The following FGD4 variants were observed in gnomAD, a reference collection of about 807,000 sequenced individuals.
FGD4 encodes FYVE, RhoGEF and PH domain-containing protein 4.
Under a neutral mutation model 102.0 loss-of-function variants are expected in FGD4, and 42 were observed. That is an observed-to-expected ratio of 0.41 (90% CI 0.32 to 0.53). The LOEUF (loss-of-function observed/expected upper bound fraction) is 0.53, where lower values mean the gene tolerates loss of function less well. Ranked by LOEUF, FGD4 falls within the 20% of genes least tolerant of loss-of-function variation. The pLI is 0.21. For synonymous variants in FGD4, 380 were observed against 375.7 expected (o/e 1.01, Z -0.13); for missense variants, 902 against 1,078.2 (o/e 0.84, Z 2.29).
At chr12:32,479,664 T>C (rs1233575740) in intron 1 of FGD4, among the ~76,000 whole-genome samples, 1 of 150,844 alleles carries the variant, frequency 6.6e-6, no homozygotes, top group Non-Finnish European at 1.5e-5. Context: ...ACATTTCACT[T>C]TTTCCTGTAG....
chr12:32,601,729 A>T (rs1393487940), intron 6 of FGD4, among the ~76,000 whole-genome samples: 2 of 152,220 alleles, frequency 1.3e-5, no homozygotes, highest in Non-Finnish European at 1.5e-5. Context: ...TCAGCCTCAC[A>T]GTACGGTGAA....
chr12:32,577,523 G>T (rs1946223640), intron 3 of FGD4, among the ~76,000 whole-genome samples: 1 of 152,122 alleles, frequency 6.6e-6, no homozygotes, highest in Admixed American at 6.5e-5. Flanking sequence ...AACAGATGTT[G>T]GTTCCTCCTA....
intron 1 of FGD4, among the ~76,000 whole-genome samples, chr12:32,442,712 A>T (rs1942486733): frequency 6.6e-6 from 1 of 151,604 alleles, no homozygotes; most frequent in Non-Finnish European, 1.5e-5. Flanking sequence ...GCACACCACC[A>T]CACCCAGCTA....
chr12:32,612,563 G>A (rs17539491), intron 10 of FGD4, among the ~76,000 whole-genome samples: 12,632 of 152,262 alleles, frequency 0.083, 697 homozygotes, highest in Middle Eastern at 0.19. Flanking sequence ...CTTTACACAC[G>A]TGGGATATGA....
rs934080923 is a variant in FGD4 at position 32,642,398 on chromosome 12, A to G, written c.*1865A>G. On this transcript the variant is annotated 3_prime_UTR_variant, in exon 17 of 17. Coordinates refer to ENST00000534526, the MANE Select transcript of FGD4 (RefSeq NM_001370298.3). ...TCTTAATCTCAAGAAAAGAGAAGCA[A>G]TGGAAATACAGAATGATTAACTGGG... is the stretch of plus-strand genomic sequence containing the variant. 6.6e-6 allele frequency: 1 copy of G among 152,108 alleles called. No homozygotes were observed. Among genetic ancestry groups the G allele is most frequent in the Non-Finnish European group, 1.5e-5 (1 of 67,968 alleles). 9.4% of individuals were successfully genotyped at this position (152,108 alleles called of 1,614,324 possible). A position where few individuals can be genotyped will look rare whatever the true frequency, so the allele number is the denominator to read the frequency against.
intron 4 of FGD4, among the ~76,000 whole-genome samples, chr12:32,590,310 A>T (rs1218867948): frequency 8.5e-6 from 1 of 117,470 alleles, no homozygotes; most frequent in Non-Finnish European, 1.7e-5. Flanking sequence ...GACTTCATCT[A>T]AAAAAAAAAA....
Position 32,617,475 on chromosome 12 carries a change from A to C in FGD4, c.1750-2223A>C, listed in dbSNP as rs958087457. On this transcript the variant is annotated intron_variant, in intron 10 of 16. Transcript: ENST00000534526. The stretch of plus-strand genomic sequence containing the variant: ...AATTATTTCAGTCAAATATATTTTT[A>C]GAGGCTTGAAATAAATACTTGAACA... Among the ~76,000 whole-genome samples the C allele has an allele frequency of 2.0e-5, 3 of 152,248 alleles. No homozygotes were observed. In the East Asian group the frequency reaches 5.8e-4, roughly 29 times the overall value.
chr12:32,535,908 C>T (rs899118637), intron 1 of FGD4, among the ~76,000 whole-genome samples: 10 of 152,146 alleles, frequency 6.6e-5, no homozygotes, highest in Non-Finnish European at 1.3e-4. Flanking sequence ...TAATGGACAG[C>T]ACCCTTTAGA....
At chr12:32,638,988 A>G (rs1951009346) in intron 16 of FGD4, 193 bp downstream of exon 16, 11 of 1,416,126 alleles carry the variant, frequency 7.8e-6, no homozygotes, top group Non-Finnish European at 1.0e-5. Context: ...TATTTTCTTC[A>G]GTTTGTGGAT....
chr12:32,479,255 G>A (rs6488058), intron 1 of FGD4, among the ~76,000 whole-genome samples: 56,703 of 151,826 alleles, frequency 0.37, 11,477 homozygotes, highest in South Asian at 0.51. Context: ...TGGTGCTCTT[G>A]CCTCACAACT....
intron 1 of FGD4, among the ~76,000 whole-genome samples, chr12:32,537,282 A>G (rs1001784388): frequency 2.6e-5 from 4 of 152,270 alleles, no homozygotes; most frequent in African/African-American, 9.6e-5. Flanking sequence ...CTTATGTACA[A>G]TCTGGCAACA....
intron 4 of FGD4, among the ~76,000 whole-genome samples, chr12:32,586,532 GA>G (rs1472017092): frequency 3.3e-5 from 5 of 152,174 alleles, no homozygotes; most frequent in Non-Finnish European, 7.3e-5. Flanking sequence ...TCTGGCCTCA[GA>G]AACAATTAAA....
chr12:32,444,556 C>T (rs1942557202), intron 1 of FGD4, among the ~76,000 whole-genome samples: 1 of 152,106 alleles, frequency 6.6e-6, no homozygotes, highest in African/African-American at 2.4e-5. Flanking sequence ...AGGCGCCCAT[C>T]ACCACACCCA....
intron 2 of FGD4, among the ~76,000 whole-genome samples, chr12:32,565,145 A>C (rs1235343941): frequency 1.3e-5 from 2 of 152,234 alleles, no homozygotes; most frequent in Non-Finnish European, 1.5e-5. Flanking sequence ...CTTGCAAAGA[A>C]AAATGTATTC....
chr12:32,531,010 G>A (rs1941759958), intron 1 of FGD4, among the ~76,000 whole-genome samples: 2 of 134,182 alleles, frequency 1.5e-5, no homozygotes, highest in Admixed American at 1.7e-4. Flanking sequence ...GGAGTGCAGT[G>A]GTGCGATCGC....
intron 4 of FGD4, among the ~76,000 whole-genome samples, chr12:32,595,045 A>G (rs1056093011): frequency 2.7e-5 from 4 of 149,952 alleles, no homozygotes; most frequent in Admixed American, 2.6e-4. Context: ...AAAAAAAAAA[A>G]ACAACACAGC....
At chr12:32,521,887 C>CTAT (rs1283521034) in intron 1 of FGD4, among the ~76,000 whole-genome samples, 1 of 151,906 alleles carries the variant, frequency 6.6e-6, no homozygotes, top group Non-Finnish European at 1.5e-5. Flanking sequence ...GTCTTAAAGG[C>CTAT]TATATAGGTA....
rs1449654910 is a variant in FGD4 at position 32,557,371 on chromosome 12, A to G, written c.167-6766A>G. ...TGGTGTGCTATCTTCCCTCTCTTTCAGTACATTTCTATACATTTGTCTATA... is the reference window on the plus strand; with the variant it reads ...TGGTGTGCTATCTTCCCTCTCTTTCGGTACATTTCTATACATTTGTCTATA... On this transcript the variant is annotated intron_variant, in intron 1 of 16. Transcript: ENST00000534526. Among the ~76,000 whole-genome samples, 3 of 152,176 alleles carry G rather than the reference A, an allele frequency of 2.0e-5. No individual in the cohort carries two copies. In the East Asian group the frequency reaches 5.8e-4, roughly 29 times the overall value.
rs539565726 is a variant in FGD4, at chr12:32,619,766, C to A, written c.1818C>A (p.Thr606=). 6.2e-7 allele frequency: 1 copy of A among 1,614,080 alleles called. No individual in the cohort carries two copies. The highest frequency in any genetic ancestry group is 1.1e-5 in the South Asian group (1 of 91,076). The change falls in exon 11 of 17, where the codon ACC becomes ACA. Residue 606 remains threonine (T), a synonymous_variant. Transcript: ENST00000534526. ...TAGGCTCTAAATTCACAGTTCGAACCAGGGTTGGCATTGATGGAATGAAAA... is the reference window on the plus strand; with the variant it reads ...TAGGCTCTAAATTCACAGTTCGAACAAGGGTTGGCATTGATGGAATGAAAA... ...SLVGSKFTVR[T]RVGIDGMKIV...
Sources: gnomAD v4.1 joint callset for allele counts (sites outside exome capture counted in the v4.1 genomes callset) on GRCh38, gnomAD v4.1.1 for gene constraint, MANE v1.5 for transcripts, NCBI Gene and HGNC (gene_info 2026-07-23, HGNC 2026-07-21) for gene names.